Variants in SARNP observed in about 807,000 individuals in gnomAD.
SARNP encodes the protein SAP domain containing ribonucleoprotein.
In SARNP, 5 loss-of-function variants were observed where a neutral mutation model predicts 38.1. The ratio of observed to expected loss-of-function variants is 0.13; its 90% confidence interval spans 0.07 to 0.28. SARNP has a LOEUF of 0.28. Among genes scored for constraint, SARNP ranks in the 10% least tolerant of loss-of-function variants. The pLI is 1.00. For synonymous variants in SARNP, 84 were observed against 80.6 expected, an observed-to-expected ratio of 1.04 and a Z score of -0.23; for missense variants, 180 against 243.9, an observed-to-expected ratio of 0.74 and a Z score of 1.75.
chr12:55,754,674 A>G (rs1018504895), downstream of SARNP: 21 of 152,266 alleles, frequency 1.4e-4, no homozygotes, highest in African/African-American at 5.1e-4. Context: ...ATCACCCAGT[A>G]AAAGCTAATA....
intron 1 of SARNP, among the ~76,000 whole-genome samples, chr12:55,814,026 A>G (rs1413920874): frequency 6.6e-6 from 1 of 152,258 alleles, no homozygotes; most frequent in Non-Finnish European, 1.5e-5. Flanking sequence ...GCTTTGCCAC[A>G]TAACAAATGC....
chr12:55,813,796 G>A (rs528042292), intron 1 of SARNP, among the ~76,000 whole-genome samples: 295 of 152,140 alleles, frequency 1.9e-3, no homozygotes, highest in Admixed American at 6.4e-3. Flanking sequence ...CGCCTGCCTC[G>A]GCCTCCCAAA....
chr12:55,800,381 T>C (rs143222134), intron 4 of SARNP, among the ~76,000 whole-genome samples, 181 bp downstream of exon 4: 4 of 152,260 alleles, frequency 2.6e-5, no homozygotes, highest in Admixed American at 6.5e-5. Context: ...CAGAGACAAT[T>C]TGCTTTACTT....
At chr12:55,754,480 G>A (rs1878439912), downstream of SARNP, 1 of 152,214 alleles carries the variant, frequency 6.6e-6, no homozygotes, top group African/African-American at 2.4e-5. Context: ...AAGCAACAAT[G>A]TCCAGCTTTC....
At chr12:55,779,192 G>C (rs1478067517) in intron 9 of SARNP, among the ~76,000 whole-genome samples, 3 of 152,102 alleles carry the variant, frequency 2.0e-5, no homozygotes, top group Non-Finnish European at 4.4e-5. Context: ...AATCTAAGTT[G>C]AAAAGAACAT....
intron 1 of SARNP, among the ~76,000 whole-genome samples, chr12:55,812,041 C>T (rs926758270): frequency 6.6e-6 from 1 of 152,178 alleles, no homozygotes; most frequent in Non-Finnish European, 1.5e-5. Flanking sequence ...AGTCAAACAT[C>T]ATCCATTGGT....
chr12:55,811,999 T>C (rs1880341740), intron 1 of SARNP, among the ~76,000 whole-genome samples: 1 of 152,206 alleles, frequency 6.6e-6, no homozygotes, highest in South Asian at 2.1e-4. Context: ...AGTGATCTTT[T>C]GAAAATTTAA....
At chr12:55,767,146 T>C (rs182812762) in intron 9 of SARNP, among the ~76,000 whole-genome samples, 2 of 152,334 alleles carry the variant, frequency 1.3e-5, no homozygotes, top group East Asian at 3.9e-4. Flanking sequence ...CAATAAATGT[T>C]AGCTATTACT....
chr12:55,784,180 T>C (rs938213387), intron 9 of SARNP, among the ~76,000 whole-genome samples: 2 of 152,198 alleles, frequency 1.3e-5, no homozygotes, highest in Non-Finnish European at 2.9e-5. Flanking sequence ...TCCACTATTT[T>C]CACCACATCT....
Position 55,811,781 on chromosome 12 carries a change from G to A in SARNP, c.36+5885C>T, listed in dbSNP as rs1044229872. On this transcript the variant is annotated intron_variant, in intron 1 of 10. Transcript: ENST00000336133. Reference sequence around the variant, plus strand: ...ATTCACTAAGATTCCTTCTTTGGGCGTCTTGTCATTCCACATATATCAAAG... The same window carrying A: ...ATTCACTAAGATTCCTTCTTTGGGCATCTTGTCATTCCACATATATCAAAG... Among the ~76,000 whole-genome samples, 11 of 152,132 alleles carry A rather than the reference G, an allele frequency of 7.2e-5. No homozygotes were observed. The South Asian group carries it at 1.2e-3, about 17-fold the overall frequency.
At chr12:55,807,981 G>A (rs1286785583) in intron 1 of SARNP, among the ~76,000 whole-genome samples, 1 of 152,084 alleles carries the variant, frequency 6.6e-6, no homozygotes, top group Non-Finnish European at 1.5e-5. Context: ...AGAAAATTCT[G>A]AAAAGTTTAG....
At chr12:55,793,618 T>C (rs924956943) in intron 7 of SARNP, 13 of 132,154 alleles carry the variant, frequency 9.8e-5, no homozygotes, top group Non-Finnish European at 1.5e-4. Flanking sequence ...GCAAACTGTA[T>C]TTATTGAAAA....
chr12:55,783,654 T>C (rs1879405223), intron 9 of SARNP, among the ~76,000 whole-genome samples: 1 of 152,110 alleles, frequency 6.6e-6, no homozygotes, highest in South Asian at 2.1e-4. Context: ...GTGTATAGCA[T>C]ACTAGTGGAG....
At chr12:55,792,592 C>A (rs1879706980) in intron 7 of SARNP, 1 of 147,876 alleles carries the variant, frequency 6.8e-6, no homozygotes, top group Admixed American at 6.9e-5. Context: ...CCATGTTGGC[C>A]AGGCTGGTCT....
intron 9 of SARNP, 30 bp from the exon 10 acceptor site, chr12:55,760,670 C>T (rs1878648007): frequency 3.5e-6 from 5 of 1,440,292 alleles, no homozygotes; most frequent in African/African-American, 1.4e-5. Flanking sequence ...AGAGTTGAAA[C>T]AAACTAGCCT....
intron 1 of SARNP, among the ~76,000 whole-genome samples, chr12:55,809,004 C>T (rs117395767): frequency 0.04 from 6,063 of 151,962 alleles, 182 homozygotes; most frequent in Non-Finnish European, 0.058. Context: ...TCCAGGAGTT[C>T]GAGACCAGCC....
At chr12:55,783,484 A>C (rs1388746973) in intron 9 of SARNP, among the ~76,000 whole-genome samples, 1 of 152,052 alleles carries the variant, frequency 6.6e-6, no homozygotes, top group East Asian at 1.9e-4. Flanking sequence ...CATTAGCCTA[A>C]ACCAATAAGA....
intron 9 of SARNP, 44 bp downstream of exon 9, chr12:55,789,031 G>A (rs1192827868): frequency 3.0e-6 from 4 of 1,317,920 alleles, no homozygotes; most frequent in Middle Eastern, 1.8e-4. Flanking sequence ...CCCATAAGCT[G>A]CTCTAATGTC....
At chr12:55,804,461 C>G (rs1880076572) in intron 1 of SARNP, among the ~76,000 whole-genome samples, 1 of 147,106 alleles carries the variant, frequency 6.8e-6, no homozygotes, top group African/African-American at 2.5e-5. Flanking sequence ...TAAGCCAAAA[C>G]AAAGACTCAA....
Sources: gnomAD v4.1 joint callset for allele counts (sites outside exome capture counted in the v4.1 genomes callset) on GRCh38, gnomAD v4.1.1 for gene constraint, MANE v1.5 for transcripts, NCBI Gene and HGNC (gene_info 2026-07-23, HGNC 2026-07-21) for gene names.